The following ZFHX3 variants were observed in gnomAD, a reference collection of about 807,000 sequenced individuals.
ZFHX3 encodes zinc finger homeobox 3.
ZFHX3 carries 42 observed loss-of-function variants against 279.1 expected under a neutral mutation model. The ratio of observed to expected loss-of-function variants is 0.15; its 90% confidence interval spans 0.12 to 0.19. The LOEUF (loss-of-function observed/expected upper bound fraction) is 0.19, where lower values mean the gene tolerates loss of function less well. Ranked by LOEUF, ZFHX3 falls within the 10% of genes least tolerant of loss-of-function variation. The pLI is 1.00. For missense variants in ZFHX3, 4,981 were observed against 4,754.0 expected, an observed-to-expected ratio of 1.05 and a Z score of -1.40; for synonymous variants, 2,293 against 1,957.8, an observed-to-expected ratio of 1.17 and a Z score of -4.52.
chr16:73,167,542 A>G (rs1967403420), intron 5 of ZFHX3, among the ~76,000 whole-genome samples: 3 of 152,222 alleles, frequency 2.0e-5, no homozygotes, highest in Admixed American at 6.5e-5. Flanking sequence ...GATGCTGTGA[A>G]ATAGAAAAAA....
chr16:73,231,125 C>G (rs2012759448), intron 5 of ZFHX3, among the ~76,000 whole-genome samples: 1 of 152,166 alleles, frequency 6.6e-6, no homozygotes, highest in Non-Finnish European at 1.5e-5. Flanking sequence ...CATCCAATGG[C>G]CTGAGAGAGC....
intron 4 of ZFHX3, among the ~76,000 whole-genome samples, chr16:72,869,418 T>C (rs962323044): frequency 1.3e-5 from 2 of 152,192 alleles, no homozygotes; most frequent in Non-Finnish European, 2.9e-5. Flanking sequence ...AGAAATAAGT[T>C]ACAATTTATC....
At chr16:73,537,526 C>A (rs578029141) in intron 2 of ZFHX3, among the ~76,000 whole-genome samples, 1 of 152,186 alleles carries the variant, frequency 6.6e-6, no homozygotes, top group East Asian at 1.9e-4. Flanking sequence ...CCATGTTGGC[C>A]AGGATGGTCT....
rs903214248 is a variant in ZFHX3 at position 72,786,684 on chromosome 16, T to G, written c.*480A>C. The G allele has an allele frequency of 2.0e-5, 3 of 152,516 alleles. No individual in the cohort carries two copies. Among genetic ancestry groups the G allele is most frequent in the Admixed American group, 2.0e-4 (3 of 15,298 alleles). The allele number at this position is 152,516 out of a possible 1,614,324, so 9.4% of individuals were successfully genotyped here. On this transcript the variant is annotated 3_prime_UTR_variant, in exon 10 of 10. Transcript: ENST00000268489. The stretch of plus-strand genomic sequence containing the variant: ...CCTGAGAATAAAAAGACATTACATT[T>G]CTTTTTTTCTTTTAGCAAGCCATTG...
intron 2 of ZFHX3, among the ~76,000 whole-genome samples, chr16:73,494,392 C>A (rs758057237): frequency 6.6e-6 from 1 of 152,166 alleles, no homozygotes; most frequent in Non-Finnish European, 1.5e-5. Context: ...TGCATAAACA[C>A]TCAGGCGAGG....
At chr16:73,687,042 A>ATATATATAT (rs1555532457) in intron 1 of ZFHX3, among the ~76,000 whole-genome samples, 45 of 81,442 alleles carry the variant, frequency 5.5e-4, no homozygotes, top group African/African-American at 2.1e-3. Context: ...ATATATATAT[A>ATATATATAT]TATATATATA....
chr16:72,917,183 G>A (rs963278243), intron 3 of ZFHX3, among the ~76,000 whole-genome samples: 13 of 152,210 alleles, frequency 8.5e-5, no homozygotes, highest in African/African-American at 3.1e-4. Context: ...CGAGGCTACA[G>A]CGAGCCATGA....
chr16:73,763,542 T>C (rs374514263), intron 1 of ZFHX3, among the ~76,000 whole-genome samples: 13 of 152,200 alleles, frequency 8.5e-5, no homozygotes, highest in African/African-American at 2.9e-4. Context: ...AACGGTGACA[T>C]TTTTGGGGAC....
At chr16:73,050,032 G>C (rs1044311091), upstream of ZFHX3, among the ~76,000 whole-genome samples, 4 of 152,186 alleles carry the variant, frequency 2.6e-5, no homozygotes, top group Non-Finnish European at 5.9e-5. Flanking sequence ...ACCTGGGATA[G>C]GTAAGGCCTG....
intron 3 of ZFHX3, among the ~76,000 whole-genome samples, chr16:72,927,089 A>G (rs1485502543): frequency 6.6e-6 from 1 of 152,180 alleles, no homozygotes; most frequent in African/African-American, 2.4e-5. Context: ...CTTCCCTGGA[A>G]TTTCACTTTT....
chr16:73,345,205 A>C (rs1167465720), intron 3 of ZFHX3, among the ~76,000 whole-genome samples: 1 of 152,176 alleles, frequency 6.6e-6, no homozygotes, highest in Non-Finnish European at 1.5e-5. Flanking sequence ...AGACAATAAA[A>C]AGTCTTATTT....
rs1480966911 is a variant in ZFHX3 at position 73,166,561 on chromosome 16, G to A, written c.-1103-22730C>T. The stretch of plus-strand genomic sequence containing the variant: ...CAAGGAAGGGCCGGATTGGGCAAGA[G>A]CACGGGGCAGCATTCACTGGGAGAG... On this transcript the variant is annotated intron_variant, in intron 5 of 17. Transcript: ENST00000641206. Among the ~76,000 whole-genome samples, 3 of 152,256 alleles carry A rather than the reference G, an allele frequency of 2.0e-5. No homozygotes were observed. The East Asian group carries it at 5.8e-4, about 29-fold the overall frequency.
At chr16:73,506,081 G>C (rs762443107) in intron 2 of ZFHX3, among the ~76,000 whole-genome samples, 1 of 152,170 alleles carries the variant, frequency 6.6e-6, no homozygotes, top group Non-Finnish European at 1.5e-5. Context: ...AAACTTCACC[G>C]TTTTGCAGAC....
At chr16:73,478,535 C>A (rs2143619930) in intron 2 of ZFHX3, among the ~76,000 whole-genome samples, 1 of 152,290 alleles carries the variant, frequency 6.6e-6, no homozygotes, top group East Asian at 1.9e-4. Flanking sequence ...AAACTGGGAC[C>A]TCTTGGTACC....
chr16:73,859,955 G>C (rs902478217), intron 1 of ZFHX3, among the ~76,000 whole-genome samples: 27 of 152,170 alleles, frequency 1.8e-4, no homozygotes, highest in African/African-American at 6.0e-4. Flanking sequence ...AACACCAAGA[G>C]ACAGGCACAG....
chr16:73,824,459 G>T, intron 1 of ZFHX3, among the ~76,000 whole-genome samples: 1 of 114,770 alleles, frequency 8.7e-6, no homozygotes, highest in African/African-American at 3.4e-5. Context: ...GTGCAGGTTA[G>T]TTACATATGT....
chr16:73,107,987 C>G (rs1043075190), intron 7 of ZFHX3, among the ~76,000 whole-genome samples: 1 of 152,096 alleles, frequency 6.6e-6, no homozygotes, highest in African/African-American at 2.4e-5. Context: ...CAGTGAAACC[C>G]AGTCTCTACT....
intron 2 of ZFHX3, among the ~76,000 whole-genome samples, chr16:73,573,259 A>G (rs2051760590): frequency 6.6e-6 from 1 of 151,412 alleles, no homozygotes; most frequent in African/African-American, 2.4e-5. Context: ...GACCCTCACC[A>G]CCCTCCCCAG....
chr16:73,818,535 G>A (rs1960644204), intron 1 of ZFHX3, among the ~76,000 whole-genome samples: 2 of 152,160 alleles, frequency 1.3e-5, no homozygotes, highest in South Asian at 2.1e-4. Flanking sequence ...GGGTCAGCAG[G>A]GGTTTCAGAC....
Sources: gnomAD v4.1 joint callset for allele counts (sites outside exome capture counted in the v4.1 genomes callset) on GRCh38, gnomAD v4.1.1 for gene constraint, MANE v1.5 for transcripts, NCBI Gene and HGNC (gene_info 2026-07-23, HGNC 2026-07-21) for gene names.